PDE4D: variants seen among roughly 807,000 people sequenced by gnomAD.
The protein encoded by PDE4D is 3',5'-cyclic-AMP phosphodiesterase 4D.
Under a neutral mutation model 87.4 loss-of-function variants are expected in PDE4D, and 24 were observed. The observed-to-expected ratio is 0.27, with a 90% confidence interval of 0.20 to 0.39. The LOEUF (loss-of-function observed/expected upper bound fraction) is 0.39. Ranked by LOEUF, PDE4D falls within the 10% of genes least tolerant of loss-of-function variation. PDE4D has a pLI of 1.00. For synonymous variants in PDE4D, 384 were observed against 383.2 expected (o/e 1.00, Z -0.02); for missense variants, 714 against 1,041.0 (o/e 0.69, Z 4.32).
At chr5:60,379,854 T>C (rs1454440862) in intron 1 of PDE4D, among the ~76,000 whole-genome samples, 3 of 152,174 alleles carry the variant, frequency 2.0e-5, no homozygotes, top group Non-Finnish European at 4.4e-5. Context: ...TGTCATTGAA[T>C]AGCACCTGGA....
In PDE4D at chr5:60,086,385, C is replaced by G. The variant is rs971702359; in HGVS notation, c.43-97668G>C. Among the ~76,000 whole-genome samples the G allele has an allele frequency of 3.4e-4, 51 of 152,136 alleles. 1 individual carries two copies. Among genetic ancestry groups the G allele is most frequent in the Admixed American group, 3.3e-3 (51 of 15,274 alleles). Reference sequence around the variant, plus strand: ...ACAAAAGAACTGCTAGATATTATAGCTCTTTAAACTATATATTTTTTATAT... The same window carrying G: ...ACAAAAGAACTGCTAGATATTATAGGTCTTTAAACTATATATTTTTTATAT... On this transcript the variant is annotated intron_variant, in intron 2 of 16. Coordinates refer to the PDE4D transcript ENST00000502484.
chr5:59,688,376 A>T (rs1750283198), intron 1 of PDE4D, among the ~76,000 whole-genome samples: 1 of 152,234 alleles, frequency 6.6e-6, no homozygotes, highest in Non-Finnish European at 1.5e-5. Flanking sequence ...TGTCTCTCAG[A>T]CCACAGTGCA....
At chr5:59,424,002 T>C (rs1794853505) in intron 1 of PDE4D, among the ~76,000 whole-genome samples, 3 of 152,084 alleles carry the variant, frequency 2.0e-5, no homozygotes, top group Admixed American at 6.6e-5. Context: ...ATGGTAGCAG[T>C]GGAGATGGCA....
At chr5:59,956,746 TTC>T in intron 3 of PDE4D, among the ~76,000 whole-genome samples, 1 of 152,340 alleles carries the variant, frequency 6.6e-6, no homozygotes, top group Non-Finnish European at 1.5e-5. Context: ...TACAAATGTT[TTC>T]AGTAGATATC....
At chr5:59,151,820 G>A (rs1779520462) in intron 5 of PDE4D, among the ~76,000 whole-genome samples, 1 of 152,104 alleles carries the variant, frequency 6.6e-6, no homozygotes, top group Non-Finnish European at 1.5e-5. Context: ...ATAATTTTAG[G>A]GAGCTGGGAA....
At chr5:59,372,262 A>T (rs1784056111) in intron 1 of PDE4D, among the ~76,000 whole-genome samples, 1 of 152,224 alleles carries the variant, frequency 6.6e-6, no homozygotes, top group African/African-American at 2.4e-5. Flanking sequence ...CATATACATA[A>T]ACCAGCAATG....
At chr5:59,500,972 AT>A (rs905472437) in intron 1 of PDE4D, among the ~76,000 whole-genome samples, 1 of 151,636 alleles carries the variant, frequency 6.6e-6, no homozygotes, top group Non-Finnish European at 1.5e-5. Flanking sequence ...AGACCAACTA[AT>A]TTTTTTCTTA....
intron 1 of PDE4D, among the ~76,000 whole-genome samples, chr5:59,550,824 G>A (rs911063358): frequency 6.6e-6 from 1 of 151,824 alleles, no homozygotes; most frequent in African/African-American, 2.4e-5. Flanking sequence ...AGCCTCCTAA[G>A]TAGCTGGGAT....
chr5:59,834,194 G>A (rs979828575), intron 1 of PDE4D, among the ~76,000 whole-genome samples: 1 of 151,880 alleles, frequency 6.6e-6, no homozygotes, highest in African/African-American at 2.4e-5. Flanking sequence ...AAACTACATC[G>A]TAAGTACCAA....
intron 1 of PDE4D, among the ~76,000 whole-genome samples, chr5:59,888,639 C>CT (rs763131374): frequency 1.1e-4 from 16 of 151,776 alleles, no homozygotes; most frequent in Non-Finnish European, 2.1e-4. Flanking sequence ...TTCCAATATG[C>CT]TTTTTTTTAA....
intron 5 of PDE4D, among the ~76,000 whole-genome samples, chr5:59,149,705 A>ATTTTTT (rs1561572681): frequency 2.1e-4 from 8 of 38,898 alleles, no homozygotes; most frequent in East Asian, 7.5e-4. Flanking sequence ...TCTCTCCTCG[A>ATTTTTT]GTTTTTTTTT....
At chr5:60,283,450 C>T (rs905426275) in intron 1 of PDE4D, among the ~76,000 whole-genome samples, 29 of 152,114 alleles carry the variant, frequency 1.9e-4, no homozygotes, top group African/African-American at 7.0e-4. Flanking sequence ...TGTAATTCTG[C>T]ACACAATCAA....
At chr5:59,660,198 T>C (rs1015217997) in intron 1 of PDE4D, among the ~76,000 whole-genome samples, 1 of 151,786 alleles carries the variant, frequency 6.6e-6, no homozygotes, top group African/African-American at 2.4e-5. Flanking sequence ...CCAAAATAAA[T>C]AAATAAATAA....
At chr5:59,374,703 C>T (rs1353293606) in intron 1 of PDE4D, among the ~76,000 whole-genome samples, 3 of 152,088 alleles carry the variant, frequency 2.0e-5, no homozygotes, top group Non-Finnish European at 4.4e-5. Flanking sequence ...AGTCTCCACC[C>T]CAAAACAACA....
At chr5:59,787,748 T>G (rs898836796) in intron 1 of PDE4D, among the ~76,000 whole-genome samples, 42 of 152,344 alleles carry the variant, frequency 2.8e-4, no homozygotes, top group African/African-American at 1.0e-3. Flanking sequence ...CATTTAAAAT[T>G]TCAAGTGAGA....
At chr5:59,838,515 A>ACTTC (rs1742494535) in intron 1 of PDE4D, among the ~76,000 whole-genome samples, 1 of 152,084 alleles carries the variant, frequency 6.6e-6, no homozygotes, top group Non-Finnish European at 1.5e-5. Flanking sequence ...AGGGAGGCCT[A>ACTTC]CTTCCATCCT....
At chr5:59,044,872 G>A (rs1580490510) in intron 5 of PDE4D, among the ~76,000 whole-genome samples, 1 of 152,024 alleles carries the variant, frequency 6.6e-6, no homozygotes, top group Non-Finnish European at 1.5e-5. Context: ...TTGTTTTTCC[G>A]AATGTTGCCT....
intron 1 of PDE4D, among the ~76,000 whole-genome samples, chr5:59,250,808 G>T (rs1467868605): frequency 1.3e-5 from 2 of 152,148 alleles, no homozygotes; most frequent in Non-Finnish European, 2.9e-5. Context: ...AACCATAACA[G>T]CATGGTACTG....
At chr5:59,457,720 A>T (rs978528843) in intron 1 of PDE4D, among the ~76,000 whole-genome samples, 2 of 152,024 alleles carry the variant, frequency 1.3e-5, no homozygotes, top group Non-Finnish European at 2.9e-5. Flanking sequence ...GTGAAACCCC[A>T]TCTCAAGTAA....
Sources: allele counts gnomAD v4.1 joint callset (sites outside exome capture counted in the v4.1 genomes callset), GRCh38; gene constraint gnomAD v4.1.1; transcripts MANE v1.5; gene names NCBI Gene and HGNC (gene_info 2026-07-23, HGNC 2026-07-21).